CPB2: variants seen among roughly 807,000 people sequenced by gnomAD.
CPB2 encodes the protein carboxypeptidase B2.
A neutral mutation model predicts 57.0 loss-of-function variants in CPB2; 54 were observed. The observed-to-expected ratio is 0.95, with a 90% CI of 0.76 to 1.19. The LOEUF (loss-of-function observed/expected upper bound fraction) is 1.19, where lower values mean the gene tolerates loss of function less well. Among genes scored for constraint, CPB2 ranks in the 50% most tolerant of loss-of-function variants. The pLI is 0.00. For synonymous variants in CPB2, 189 were observed against 178.1 expected (o/e 1.06, Z -0.49); for missense variants, 426 against 512.0 (o/e 0.83, Z 1.62).
chr13:46,085,551 CCTT>C (rs1366724189), intron 2 of CPB2, among the ~76,000 whole-genome samples: 1 of 152,168 alleles, frequency 6.6e-6, no homozygotes, highest in Non-Finnish European at 1.5e-5. Flanking sequence ...CCTAGCCCAG[CCTT>C]CTTTGGACCT....
chr13:46,098,696 C>T (rs1426133520), intron 1 of CPB2: 2 of 152,318 alleles, frequency 1.3e-5, no homozygotes, highest in African/African-American at 4.8e-5. Context: ...GACTAATAAA[C>T]AGGGGTTACA....
intron 5 of CPB2, among the ~76,000 whole-genome samples, chr13:46,076,939 A>G: frequency 6.6e-6 from 1 of 152,186 alleles, no homozygotes. Context: ...CTAAAAACAG[A>G]TTAGAATTAA....
chr13:46,095,183 A>G (rs1213696713), intron 1 of CPB2, among the ~76,000 whole-genome samples: 1 of 152,164 alleles, frequency 6.6e-6, no homozygotes, highest in Admixed American at 6.5e-5. Context: ...CACCAAATGT[A>G]TAATTGACAT....
intron 2 of CPB2, among the ~76,000 whole-genome samples, chr13:46,087,158 G>C (rs377127366): frequency 6.6e-6 from 1 of 152,138 alleles, no homozygotes; most frequent in Non-Finnish European, 1.5e-5. Flanking sequence ...TAGCTGCAGC[G>C]GGCAGCTGCA....
At chr13:46,067,262 A>G in intron 7 of CPB2, 45 bp downstream of exon 7, 1 of 973,846 alleles carries the variant, frequency 1.0e-6, no homozygotes, top group Non-Finnish European at 1.7e-6. Context: ...TATATCCTAT[A>G]TCCCCAAGGA....
intron 6 of CPB2, 130 bp downstream of exon 6, chr13:46,073,743 A>C: frequency 1.8e-6 from 1 of 552,850 alleles, no homozygotes; most frequent in East Asian, 3.2e-5. Flanking sequence ...AACTTGTGAA[A>C]ATTGTAGATT....
chr13:46,080,009 C>T (rs1044065579), intron 4 of CPB2, among the ~76,000 whole-genome samples: 1 of 152,184 alleles, frequency 6.6e-6, no homozygotes, highest in African/African-American at 2.4e-5. Context: ...GGCATAAATA[C>T]ATCTGAGAAA....
intron 1 of CPB2, among the ~76,000 whole-genome samples, chr13:46,098,085 T>C (rs1401939891): frequency 6.6e-6 from 1 of 152,146 alleles, no homozygotes; most frequent in Non-Finnish European, 1.5e-5. Context: ...GGGAAGAATA[T>C]GTTTGGAATC....
chr13:46,081,094 C>A (rs2045109369), intron 4 of CPB2, among the ~76,000 whole-genome samples: 1 of 151,762 alleles, frequency 6.6e-6, no homozygotes, highest in Non-Finnish European at 1.5e-5. Context: ...CCTTGATCTT[C>A]TAGCCTCTAG....
In CPB2 at chr13:46,053,559, T is replaced by C; in HGVS notation, c.*55A>G. The C allele has an allele frequency of 6.3e-7, 1 of 1,581,882 alleles. No individual in the cohort carries two copies. Among genetic ancestry groups the C allele is most frequent in the Admixed American group, 1.8e-5 (1 of 55,092 alleles). On this transcript the variant is annotated 3_prime_UTR_variant, in exon 11 of 11. Coordinates refer to ENST00000181383, the MANE Select transcript of CPB2 (RefSeq NM_001872.5). ...AAAATAATTTGATACAATGATTTGG[T>C]CTTGCTGGAATCAGTAAATTAAAAT...
intron 4 of CPB2, among the ~76,000 whole-genome samples, chr13:46,079,940 A>G (rs1224041580): frequency 6.6e-6 from 1 of 152,214 alleles, no homozygotes; most frequent in Non-Finnish European, 1.5e-5. Context: ...CTGGGGTGTC[A>G]GAAATGTAAC....
intron 3 of CPB2, among the ~76,000 whole-genome samples, chr13:46,082,842 C>T (rs2045140722): frequency 6.6e-6 from 1 of 152,128 alleles, no homozygotes; most frequent in South Asian, 2.1e-4. Flanking sequence ...AATGGTGATT[C>T]TTCAGTGTCT....
At chr13:46,079,572 A>G (rs1360626285) in intron 4 of CPB2, among the ~76,000 whole-genome samples, 1 of 151,568 alleles carries the variant, frequency 6.6e-6, no homozygotes, top group Non-Finnish European at 1.5e-5. Flanking sequence ...AAAAGAAAAG[A>G]AAAAAATTCT....
intron 1 of CPB2, among the ~76,000 whole-genome samples, chr13:46,093,596 A>G (rs2139415926): frequency 6.6e-6 from 1 of 152,072 alleles, no homozygotes; most frequent in African/African-American, 2.4e-5. Context: ...AAGGGAGAAA[A>G]GCAAGATATG....
At chr13:46,066,704 G>A (rs952352383) in intron 7 of CPB2, among the ~76,000 whole-genome samples, 1 of 151,908 alleles carries the variant, frequency 6.6e-6, no homozygotes, top group African/African-American at 2.4e-5. Context: ...GCTTAGCCAG[G>A]CATGGTGGCA....
At chr13:46,091,469 A>G (rs1388880752) in intron 1 of CPB2, among the ~76,000 whole-genome samples, 2 of 152,230 alleles carry the variant, frequency 1.3e-5, no homozygotes, top group Non-Finnish European at 2.9e-5. Flanking sequence ...ATATTTTACC[A>G]TTAGAATGCT....
intron 1 of CPB2, among the ~76,000 whole-genome samples, chr13:46,104,008 C>T (rs932795644): frequency 6.6e-6 from 1 of 152,224 alleles, no homozygotes; most frequent in Non-Finnish European, 1.5e-5. Context: ...CAACTATAAT[C>T]AGTTCAGTGA....
intron 4 of CPB2, 81 bp from the exon 5 acceptor site, chr13:46,078,982 C>T (rs529151711): frequency 1.2e-6 from 1 of 864,884 alleles, no homozygotes; most frequent in South Asian, 1.4e-5. Context: ...ACAACTTCTT[C>T]AGAGAAAGGA....
intron 3 of CPB2, among the ~76,000 whole-genome samples, chr13:46,083,871 G>A (rs1351479499): frequency 6.6e-6 from 1 of 152,196 alleles, no homozygotes; most frequent in African/African-American, 2.4e-5. Flanking sequence ...CCCTCCCGAA[G>A]CTGCTTTTTC....
Sources: allele counts gnomAD v4.1 joint callset (sites outside exome capture counted in the v4.1 genomes callset), GRCh38; gene constraint gnomAD v4.1.1; transcripts MANE v1.5; gene names NCBI Gene and HGNC (gene_info 2026-07-23, HGNC 2026-07-21).